The following SDK1 variants were observed in gnomAD, a reference collection of about 807,000 sequenced individuals.
SDK1 encodes sidekick cell adhesion molecule 1, also known as protein sidekick-1.
Under a neutral mutation model 245.5 loss-of-function variants are expected in SDK1, and 157 were observed. The ratio of observed to expected loss-of-function variants is 0.64; its 90% confidence interval spans 0.56 to 0.73. The LOEUF is 0.73. SDK1 is among the 30% of genes least tolerant of loss of function. SDK1 has a pLI of 0.00. For synonymous variants in SDK1, 1,647 were observed against 1,278.5 expected, an observed-to-expected ratio of 1.29 and a Z score of -6.15; for missense variants, 3,583 against 3,002.3, an observed-to-expected ratio of 1.19 and a Z score of -4.52.
At chr7:3,808,997 G>A (rs1453005199) in intron 4 of SDK1, among the ~76,000 whole-genome samples, 4 of 152,114 alleles carry the variant, frequency 2.6e-5, no homozygotes, top group Non-Finnish European at 5.9e-5. Flanking sequence ...ATCACCAAGG[G>A]TTATTAGGCT....
At chr7:4,215,841 C>G (rs1784766752) in intron 38 of SDK1, among the ~76,000 whole-genome samples, 1 of 152,276 alleles carries the variant, frequency 6.6e-6, no homozygotes, top group Non-Finnish European at 1.5e-5. Context: ...CCCACTCATC[C>G]CCCCTGCCCT....
intron 5 of SDK1, among the ~76,000 whole-genome samples, chr7:3,950,362 TCCC>T (rs1459995568): frequency 6.6e-6 from 1 of 152,226 alleles, no homozygotes; most frequent in Non-Finnish European, 1.5e-5. Context: ...GCTCCGATCA[TCCC>T]ATCTTCTATC....
At chr7:4,001,557 G>A (rs1785075575) in intron 14 of SDK1, among the ~76,000 whole-genome samples, 1 of 152,160 alleles carries the variant, frequency 6.6e-6, no homozygotes, top group East Asian at 1.9e-4. Flanking sequence ...TTAGCTGGGG[G>A]TTTCATGTAT....
intron 5 of SDK1, among the ~76,000 whole-genome samples, chr7:3,886,760 T>C (rs1031829810): frequency 1.3e-5 from 2 of 152,120 alleles, no homozygotes; most frequent in African/African-American, 2.4e-5. Flanking sequence ...ACAAAAAATA[T>C]TAAAAATTAG....
chr7:3,473,295 T>C (rs1276285940), intron 1 of SDK1, among the ~76,000 whole-genome samples: 1 of 152,138 alleles, frequency 6.6e-6, no homozygotes, highest in Non-Finnish European at 1.5e-5. Flanking sequence ...CCAAATCCTT[T>C]CCCAAACTGG....
intron 4 of SDK1, among the ~76,000 whole-genome samples, chr7:3,718,521 CAATAAATAAATA>C (rs55995629): frequency 0.062 from 8,254 of 133,884 alleles, 343 homozygotes; most frequent in East Asian, 0.11. Flanking sequence ...AACTGTATCT[CAATAAATAAATA>C]AATAAATAAA....
chr7:3,810,649 G>C (rs763265018), intron 4 of SDK1, among the ~76,000 whole-genome samples: 2 of 152,278 alleles, frequency 1.3e-5, no homozygotes, highest in Non-Finnish European at 2.9e-5. Context: ...TCCTTCACTA[G>C]TTACATCAAC....
At chr7:3,349,909 A>C (rs1780613087) in intron 1 of SDK1, among the ~76,000 whole-genome samples, 2 of 152,174 alleles carry the variant, frequency 1.3e-5, no homozygotes, top group Non-Finnish European at 2.9e-5. Flanking sequence ...GCCTAAGAGT[A>C]CATGTATCTT....
chr7:4,193,208 TAA>T (rs929518753), intron 35 of SDK1, among the ~76,000 whole-genome samples: 59 of 130,944 alleles, frequency 4.5e-4, no homozygotes, highest in South Asian at 1.5e-3. Context: ...ATTTATATAT[TAA>T]TATATATATT....
intron 1 of SDK1, among the ~76,000 whole-genome samples, chr7:3,320,052 A>G (rs10951155): frequency 0.49 from 74,384 of 151,146 alleles, 18,865 homozygotes; most frequent in African/African-American, 0.62. Context: ...CAATTCTTCT[A>G]CACTTTTGAA....
intron 1 of SDK1, among the ~76,000 whole-genome samples, chr7:3,430,528 A>G (rs1028557172): frequency 1.3e-5 from 2 of 152,138 alleles, no homozygotes; most frequent in African/African-American, 4.8e-5. Context: ...CCTGCTCGTC[A>G]GCTTCATTCC....
chr7:3,528,441 G>A (rs569349951), intron 1 of SDK1, among the ~76,000 whole-genome samples: 13 of 152,060 alleles, frequency 8.5e-5, no homozygotes, highest in Admixed American at 6.5e-4. Context: ...TAAGGTGTGA[G>A]AAAGTGCTTA....
intron 1 of SDK1, among the ~76,000 whole-genome samples, chr7:3,487,983 T>C (rs932881238): frequency 3.3e-5 from 5 of 152,128 alleles, no homozygotes; most frequent in Admixed American, 2.0e-4. Context: ...TGCTACACAT[T>C]TTGCTTACTC....
chr7:3,441,681 G>A (rs1780201041), intron 1 of SDK1, among the ~76,000 whole-genome samples: 1 of 152,116 alleles, frequency 6.6e-6, no homozygotes, highest in South Asian at 2.1e-4. Flanking sequence ...CAGCTTGTTA[G>A]TTTCTACCAA....
intron 2 of SDK1, among the ~76,000 whole-genome samples, chr7:3,624,061 C>T (rs1249206917): frequency 1.3e-5 from 2 of 152,046 alleles, no homozygotes; most frequent in South Asian, 2.1e-4. Context: ...GTAGAACCCA[C>T]GTGGAAAGTG....
At chr7:3,639,255 G>A in intron 3 of SDK1, 145 bp downstream of exon 3, 1 of 464,438 alleles carries the variant, frequency 2.2e-6, no homozygotes, top group East Asian at 3.4e-5. Flanking sequence ...CTCAGTGAGA[G>A]ATAAGTAAGC....
intron 1 of SDK1, among the ~76,000 whole-genome samples, chr7:3,480,328 A>G (rs931257108): frequency 2.0e-5 from 3 of 152,224 alleles, no homozygotes; most frequent in Non-Finnish European, 4.4e-5. Context: ...CCGCGAGGCC[A>G]TGAAGAAGGC....
chr7:3,786,251 G>T (rs1454442141), intron 4 of SDK1, among the ~76,000 whole-genome samples: 2 of 152,246 alleles, frequency 1.3e-5, no homozygotes, highest in Admixed American at 6.5e-5. Flanking sequence ...GCCCTGTTTT[G>T]TAGTTATTAT....
chr7:4,051,247 G>A (rs974424147), intron 18 of SDK1, among the ~76,000 whole-genome samples: 2 of 139,882 alleles, frequency 1.4e-5, no homozygotes, highest in African/African-American at 5.3e-5. Flanking sequence ...ATAGTATATA[G>A]GTTGTATATA....
Sources: allele counts gnomAD v4.1 joint callset (sites outside exome capture counted in the v4.1 genomes callset), GRCh38; gene constraint gnomAD v4.1.1; transcripts MANE v1.5; gene names NCBI Gene and HGNC (gene_info 2026-07-23, HGNC 2026-07-21).